Variants in U2SURP observed in about 807,000 individuals in gnomAD.
U2SURP encodes the protein U2 snRNP associated SURP domain containing, also known as U2 snRNP-associated SURP motif-containing protein.
In U2SURP, 9 loss-of-function variants were observed where a neutral mutation model predicts 144.9. The observed-to-expected ratio is 0.06, with a 90% CI of 0.04 to 0.11. U2SURP has a LOEUF of 0.11. Ranked by LOEUF, U2SURP falls within the 10% of genes least tolerant of loss-of-function variation. U2SURP has a pLI of 1.00. For missense variants in U2SURP, 724 were observed against 1,226.7 expected (o/e 0.59, Z 6.12); for synonymous variants, 408 against 396.8 (o/e 1.03, Z -0.33).
intron 1 of U2SURP, among the ~76,000 whole-genome samples, chr3:143,003,677 CTTTTTT>C (rs60505715): frequency 0.011 from 1,106 of 101,524 alleles, 12 homozygotes; most frequent in African/African-American, 0.031. Context: ...TATTTTATTT[CTTTTTT>C]TTTTTTTTTT....
intron 1 of U2SURP, among the ~76,000 whole-genome samples, chr3:143,004,573 A>ACCCCTCC (rs1553834288): frequency 2.1e-5 from 1 of 48,568 alleles, no homozygotes; most frequent in African/African-American, 1.2e-4. Flanking sequence ...TGACCTTGTG[A>ACCCCTCC]CCCCCCCCCC....
chr3:143,015,032 A>G (rs1250739360), intron 4 of U2SURP, among the ~76,000 whole-genome samples: 1 of 152,072 alleles, frequency 6.6e-6, no homozygotes, highest in Admixed American at 6.6e-5. Flanking sequence ...GCATAAATGT[A>G]GTTTTTCTAT....
intron 6 of U2SURP, among the ~76,000 whole-genome samples, chr3:143,017,694 C>T (rs1375705873): frequency 6.6e-6 from 1 of 151,878 alleles, no homozygotes; most frequent in Non-Finnish European, 1.5e-5. Context: ...GATTACGGCT[C>T]CTGCAGCCTC....
At chr3:143,030,560 T>C (rs1252223266) in intron 16 of U2SURP, among the ~76,000 whole-genome samples, 2 of 152,234 alleles carry the variant, frequency 1.3e-5, no homozygotes, top group Admixed American at 6.5e-5. Context: ...AGAGATTAAG[T>C]TGTTTTCATG....
intron 16 of U2SURP, among the ~76,000 whole-genome samples, chr3:143,031,727 C>G (rs1188838090): frequency 6.6e-6 from 1 of 152,188 alleles, no homozygotes; most frequent in Non-Finnish European, 1.5e-5. Context: ...TTGCAGTAGT[C>G]TGTAACTGAA....
chr3:143,051,813 T>C (rs1246930205), intron 25 of U2SURP, among the ~76,000 whole-genome samples: 2 of 152,130 alleles, frequency 1.3e-5, no homozygotes, highest in African/African-American at 2.4e-5. Context: ...GGCAAGTCAC[T>C]GCAGCCTGCT....
intron 1 of U2SURP, among the ~76,000 whole-genome samples, chr3:143,004,795 C>G (rs1050126044): frequency 6.6e-5 from 10 of 151,968 alleles, no homozygotes; most frequent in Middle Eastern, 3.2e-3. Context: ...AGACATTTAA[C>G]AAATGTTCTA....
At chr3:143,054,883 G>A (rs1935063967) in intron 26 of U2SURP, 60 bp from the exon 27 acceptor site, 4 of 1,463,012 alleles carry the variant, frequency 2.7e-6, no homozygotes, top group Non-Finnish European at 3.6e-6. Flanking sequence ...TTTAGTAAAG[G>A]AAAATGAATA....
rs869186497 is a variant in U2SURP, at chr3:143,004,353, G to GTT, written c.45+2707_45+2708dup. The stretch of plus-strand genomic sequence containing the variant: ...CCTCTACAGGTCTTCTAGTTGGGGT[G>GTT]TTTTTTTTTTTTTTTTTTTTTTTTT... On this transcript the variant is annotated intron_variant, in intron 1 of 27. Coordinates refer to ENST00000473835, the MANE Select transcript of U2SURP (RefSeq NM_001080415.2). Among the ~76,000 whole-genome samples the GTT allele has an allele frequency of 3.6e-3, 302 of 83,416 alleles. 19 individuals are homozygous for GTT. The highest frequency in any genetic ancestry group is 6.5e-3 in the African/African-American group (157 of 23,988). The allele number at this position is 83,416 out of a possible 152,430, so 54.7% of individuals were successfully genotyped here.
chr3:143,019,253 G>A (rs1936521067), intron 6 of U2SURP, among the ~76,000 whole-genome samples: 1 of 152,100 alleles, frequency 6.6e-6, no homozygotes, highest in Non-Finnish European at 1.5e-5. Flanking sequence ...TTTCTTGATG[G>A]AAGCATGGAG....
rs1218069442 is a variant in U2SURP at position 143,050,666 on chromosome 3, C to T, written c.2545-273C>T. 2.4e-4 allele frequency among the ~76,000 whole-genome samples: 36 copies of T among 152,034 alleles called. 1 individual carries two copies. Among genetic ancestry groups the T allele is most frequent in the Admixed American group, 2.4e-3 (36 of 15,262 alleles). On this transcript the variant is annotated intron_variant, in intron 24 of 27. Coordinates refer to ENST00000473835, the MANE Select transcript of U2SURP (RefSeq NM_001080415.2). ...TTTTCTAATTTGGGGAACCAGATAC[C>T]AAATTTGTTATAATTGTGTTGAGAG...
intron 27 of U2SURP, 86 bp downstream of exon 27, chr3:143,055,205 C>CA: frequency 9.2e-7 from 1 of 1,091,622 alleles, no homozygotes; most frequent in Non-Finnish European, 1.3e-6. Context: ...GGTTGGCATA[C>CA]ATTTTTTTTT....
At position 143,055,134 on chromosome 3, in the gene U2SURP, T is replaced by C; in HGVS notation, c.2951+15T>C. 6.4e-7 allele frequency: 1 copy of C among 1,551,480 alleles called. No individual in the cohort carries two copies. The highest frequency in any genetic ancestry group is 2.1e-5 in the Admixed American group (1 of 47,320). On this transcript the variant is annotated intron_variant, in intron 27 of 27. Transcript: ENST00000473835. Reference sequence around the variant, plus strand: ...AAAGCCAAAAGGTAAATGCAAGTCATTTTTGCTAATATTTCAGATACCAGT... The same window carrying C: ...AAAGCCAAAAGGTAAATGCAAGTCACTTTTGCTAATATTTCAGATACCAGT...
At chr3:143,031,473 A>ACCTTCAGCTACCACCGCCCTAACCT (rs1553842580) in intron 16 of U2SURP, among the ~76,000 whole-genome samples, 7 of 151,946 alleles carry the variant, frequency 4.6e-5, no homozygotes, top group Admixed American at 6.6e-5. Context: ...CACCACCCTG[A>ACCTTCAGCTACCACCGCCCTAACCT]TCAGTTGGCC....
At chr3:143,036,519 A>G (rs933278513) in intron 20 of U2SURP, among the ~76,000 whole-genome samples, 6 of 152,128 alleles carry the variant, frequency 3.9e-5, no homozygotes, top group African/African-American at 1.2e-4. Flanking sequence ...TTTACCTCCT[A>G]AATAATTACT....
chr3:143,033,156 A>C, intron 17 of U2SURP, 115 bp from the exon 18 acceptor site: 1 of 821,994 alleles, frequency 1.2e-6, no homozygotes, highest in Non-Finnish European at 1.9e-6. Context: ...TGCCAGAGTC[A>C]TAGTTGTGGT....
chr3:143,014,664 A>G (rs966794056), intron 4 of U2SURP, among the ~76,000 whole-genome samples: 1 of 152,030 alleles, frequency 6.6e-6, no homozygotes, highest in Non-Finnish European at 1.5e-5. Flanking sequence ...AGTAAAGTGT[A>G]TGTGTGTGTA....
At chr3:143,023,125 A>G (rs939420382) in intron 12 of U2SURP, 61 bp downstream of exon 12, 4 of 1,369,570 alleles carry the variant, frequency 2.9e-6, no homozygotes, top group Non-Finnish European at 3.9e-6. Context: ...CTGTGGTAGT[A>G]TTTCTTTTCA....
chr3:143,006,701 C>T (rs1007464224), intron 1 of U2SURP, among the ~76,000 whole-genome samples: 1 of 152,124 alleles, frequency 6.6e-6, no homozygotes, highest in Admixed American at 6.5e-5. Context: ...GAGATCATGC[C>T]ATTGCACTCC....
Sources: gnomAD v4.1 joint callset for allele counts (sites outside exome capture counted in the v4.1 genomes callset) on GRCh38, gnomAD v4.1.1 for gene constraint, MANE v1.5 for transcripts, NCBI Gene and HGNC (gene_info 2026-07-23, HGNC 2026-07-21) for gene names.